Variants in PLXNA4 observed in about 807,000 individuals in gnomAD.
PLXNA4 encodes the protein plexin-A4.
Under a neutral mutation model 191.8 loss-of-function variants are expected in PLXNA4, and 44 were observed. The observed-to-expected ratio is 0.23, with a 90% CI of 0.18 to 0.29. PLXNA4 has a LOEUF of 0.29. Among genes scored for constraint, PLXNA4 ranks in the 10% least tolerant of loss-of-function variants. PLXNA4 has a pLI of 1.00. For synonymous variants in PLXNA4, 1,082 were observed against 1,009.5 expected, an observed-to-expected ratio of 1.07 and a Z score of -1.36; for missense variants, 1,800 against 2,488.8, an observed-to-expected ratio of 0.72 and a Z score of 5.89.
intron 1 of PLXNA4, among the ~76,000 whole-genome samples, chr7:132,569,677 T>C (rs562171069): frequency 6.6e-6 from 1 of 152,360 alleles, no homozygotes; most frequent in South Asian, 2.1e-4. Context: ...AGCCTAGCTT[T>C]TTCCACAACA....
intron 2 of PLXNA4, among the ~76,000 whole-genome samples, chr7:132,596,326 G>C (rs1035509788): frequency 6.6e-6 from 1 of 152,142 alleles, no homozygotes; most frequent in African/African-American, 2.4e-5. Context: ...GGATGTTCCT[G>C]TTCCAAGATC....
intron 1 of PLXNA4, among the ~76,000 whole-genome samples, chr7:132,517,947 G>A (rs904076188): frequency 2.6e-5 from 4 of 152,166 alleles, no homozygotes; most frequent in Admixed American, 6.5e-5. Flanking sequence ...TGTAATCCGT[G>A]CATTCAACAT....
intron 3 of PLXNA4, among the ~76,000 whole-genome samples, chr7:132,382,255 G>T (rs1281258139): frequency 6.6e-6 from 1 of 152,162 alleles, no homozygotes; most frequent in African/African-American, 2.4e-5. Context: ...CCAATTGCAG[G>T]AGTCAGAAAG....
rs141839043 is a variant in PLXNA4 at position 132,194,130 on chromosome 7, C to T, written c.2788G>A (p.Val930Met). 69 of 1,614,032 alleles carry T rather than the reference C, an allele frequency of 4.3e-5. No individual in the cohort carries two copies. In the East Asian group the frequency reaches 4.5e-4, roughly 10 times the overall value. The change falls in exon 14 of 32, where the codon GTG becomes ATG. Residue 930 changes from valine to methionine, a missense_variant. By Grantham distance (21) the Val-to-Met change is conservative. This residue lies in a region of PLXNA4 where 1,397 missense variants were observed against 1,880.4 expected (regional missense o/e 0.74). Transcript: ENST00000321063. ...CGACACACAGCCACGCAGATCTCCA[C>T]GAAGCCTGCATGCTGGCTGGGCTTG... ...EAKPSQHAGF[V>M]EICVAVCRPE...
upstream of PLXNA4, among the ~76,000 whole-genome samples, chr7:132,577,544 G>T (rs1357547138): frequency 6.6e-6 from 1 of 151,836 alleles, no homozygotes; most frequent in Non-Finnish European, 1.5e-5. Flanking sequence ...GGCAGGGGGC[G>T]CCTCCCTACA....
chr7:132,607,424 C>G (rs753768346), intron 2 of PLXNA4, among the ~76,000 whole-genome samples: 2 of 152,136 alleles, frequency 1.3e-5, no homozygotes, highest in Non-Finnish European at 2.9e-5. Context: ...GCCCAGAGCA[C>G]AACAAAAGAG....
rs35467841 is a variant in PLXNA4 at position 132,490,423 on chromosome 7, CTT to C, written c.1189-951_1189-950del. Among the ~76,000 whole-genome samples the C allele has an allele frequency of 5.5e-3, 604 of 110,494 alleles. 1 individual carries two copies. Among genetic ancestry groups the C allele is most frequent in the African/African-American group, 0.021 (556 of 26,932 alleles). The allele number at this position is 110,494 out of a possible 152,430, so 72.5% of individuals were successfully genotyped here. ...ATTTTATTCACTGAACCTTTTCTTC[CTT>C]TTTTTTTTTTTTTTTTTTGAGACAG... is the stretch of plus-strand genomic sequence containing the variant. On this transcript the variant is annotated intron_variant, in intron 2 of 31. Transcript: ENST00000321063.
At chr7:132,380,834 C>A (rs1804866296) in intron 3 of PLXNA4, among the ~76,000 whole-genome samples, 1 of 152,214 alleles carries the variant, frequency 6.6e-6, no homozygotes, top group African/African-American at 2.4e-5. Flanking sequence ...CTATCAAATT[C>A]TCAGGTGATA....
At chr7:132,376,763 G>A (rs916907981) in intron 3 of PLXNA4, among the ~76,000 whole-genome samples, 1 of 152,152 alleles carries the variant, frequency 6.6e-6, no homozygotes, top group Non-Finnish European at 1.5e-5. Flanking sequence ...GGAACCAGAA[G>A]AAATTGTCCC....
intron 3 of PLXNA4, among the ~76,000 whole-genome samples, chr7:132,305,679 G>A (rs754186094): frequency 6.6e-6 from 1 of 152,158 alleles, no homozygotes; most frequent in African/African-American, 2.4e-5. Flanking sequence ...TATCTGGGCC[G>A]GGCTGTTTAT....
chr7:132,500,626 A>G (rs574850913), intron 2 of PLXNA4, among the ~76,000 whole-genome samples: 1 of 152,246 alleles, frequency 6.6e-6, no homozygotes, highest in South Asian at 2.1e-4. Context: ...CTAAGCATGA[A>G]ATCACTGCAA....
At chr7:132,299,672 A>T (rs1020626009) in intron 3 of PLXNA4, among the ~76,000 whole-genome samples, 1 of 152,170 alleles carries the variant, frequency 6.6e-6, no homozygotes, top group East Asian at 1.9e-4. Context: ...ATCACGGCTC[A>T]TGTGTCCCTC....
intron 2 of PLXNA4, among the ~76,000 whole-genome samples, chr7:132,608,387 C>T (rs949120740): frequency 6.6e-6 from 1 of 152,120 alleles, no homozygotes; most frequent in Non-Finnish European, 1.5e-5. Flanking sequence ...CTTGTTGGGA[C>T]CGTACTCTGT....
chr7:132,371,142 G>A (rs1804422604), intron 3 of PLXNA4, among the ~76,000 whole-genome samples: 1 of 152,182 alleles, frequency 6.6e-6, no homozygotes, highest in Non-Finnish European at 1.5e-5. Flanking sequence ...GAGACGGGTT[G>A]GGGTGGAGAG....
chr7:132,563,925 C>T (rs1227594530), intron 1 of PLXNA4, among the ~76,000 whole-genome samples: 8 of 118,036 alleles, frequency 6.8e-5, no homozygotes, highest in Non-Finnish European at 1.1e-4. Context: ...CCTTCTCCTC[C>T]TTTTCCTCGT....
At chr7:132,238,152 GTATGTGT>G (rs1479121354) in intron 5 of PLXNA4, among the ~76,000 whole-genome samples, 3 of 152,168 alleles carry the variant, frequency 2.0e-5, no homozygotes, top group African/African-American at 4.8e-5. Context: ...CCTTGTTCAG[GTATGTGT>G]TATAGTGCTG....
At chr7:132,630,165 T>C (rs1472787132) in intron 2 of PLXNA4, among the ~76,000 whole-genome samples, 1 of 152,134 alleles carries the variant, frequency 6.6e-6, no homozygotes, top group African/African-American at 2.4e-5. Flanking sequence ...TCTCTTCTTA[T>C]AAGGCCAGTA....
At chr7:132,247,728 G>C (rs1397052677) in intron 4 of PLXNA4, among the ~76,000 whole-genome samples, 1 of 152,168 alleles carries the variant, frequency 6.6e-6, no homozygotes, top group Non-Finnish European at 1.5e-5. Context: ...AGGTTTTGTG[G>C]AGTCTCCCTG....
At chr7:132,594,440 G>A (rs182220151) in intron 2 of PLXNA4, among the ~76,000 whole-genome samples, 21 of 152,346 alleles carry the variant, frequency 1.4e-4, no homozygotes, top group African/African-American at 4.3e-4. Context: ...TTTCTGCTAA[G>A]CCACTCGGTT....
Sources: gnomAD v4.1 joint callset for allele counts (sites outside exome capture counted in the v4.1 genomes callset) on GRCh38, gnomAD v4.1.1 for gene constraint, gnomAD v4.1.1 regional missense constraint, MANE v1.5 for transcripts, NCBI Gene and HGNC (gene_info 2026-07-23, HGNC 2026-07-21) for gene names.